The following SETD7 variants were observed in gnomAD, a reference collection of about 807,000 sequenced individuals.
SETD7 encodes SET domain containing 7, histone lysine methyltransferase, also known as histone-lysine N-methyltransferase SETD7.
Under a neutral mutation model 41.8 loss-of-function variants are expected in SETD7, and 16 were observed. That is an observed-to-expected ratio of 0.38 (90% CI 0.26 to 0.58). SETD7 has a LOEUF of 0.58. SETD7 is among the 20% of genes least tolerant of loss of function. The pLI, the probability that SETD7 is intolerant of heterozygous loss-of-function variation, is 0.64. For missense variants in SETD7, 346 were observed against 459.7 expected, an observed-to-expected ratio of 0.75 and a Z score of 2.26; for synonymous variants, 163 against 169.7, an observed-to-expected ratio of 0.96 and a Z score of 0.31.
At chr4:139,549,711 C>T (rs572495671) in intron 1 of SETD7, among the ~76,000 whole-genome samples, 1 of 152,186 alleles carries the variant, frequency 6.6e-6, no homozygotes, top group Admixed American at 6.5e-5. Flanking sequence ...CTCAAGTGAT[C>T]CTTCTGCCTC....
intron 1 of SETD7, among the ~76,000 whole-genome samples, chr4:139,553,303 A>G (rs1015669278): frequency 2.6e-5 from 4 of 152,376 alleles, no homozygotes; most frequent in Non-Finnish European, 4.4e-5. Context: ...CTAATGAAGA[A>G]GAAAAAAGAT....
At chr4:139,530,693 C>T (rs1325430673) in intron 3 of SETD7, among the ~76,000 whole-genome samples, 1 of 152,126 alleles carries the variant, frequency 6.6e-6, no homozygotes, top group Non-Finnish European at 1.5e-5. Flanking sequence ...GGTCTCACAC[C>T]TTTCCCCTTA....
At chr4:139,514,282 G>GA (rs5862423) in intron 7 of SETD7, among the ~76,000 whole-genome samples, 11 of 148,436 alleles carry the variant, frequency 7.4e-5, no homozygotes, top group Non-Finnish European at 1.0e-4. Flanking sequence ...ACCCATCTCA[G>GA]AAAAAAAAAA....
intron 2 of SETD7, among the ~76,000 whole-genome samples, chr4:139,543,646 T>A (rs1366155088): frequency 6.6e-6 from 1 of 151,842 alleles, no homozygotes; most frequent in African/African-American, 2.4e-5. Context: ...GGTGTTTGAG[T>A]GGTAGATATA....
At chr4:139,521,358 G>A (rs1300879618) in intron 5 of SETD7, among the ~76,000 whole-genome samples, 1 of 151,898 alleles carries the variant, frequency 6.6e-6, no homozygotes, top group African/African-American at 2.4e-5. Flanking sequence ...CCCAGGCGGT[G>A]GAGATTGCAG....
At position 139,521,330 on chromosome 4, in the gene SETD7, G is replaced by A. The variant is rs528801458; in HGVS notation, c.645-936C>T. On this transcript the variant is annotated intron_variant, in intron 5 of 7. Coordinates refer to ENST00000274031, the MANE Select transcript of SETD7 (RefSeq NM_030648.4). ...AATCCCAGTTACTCGGGAGGCTGAGGCAGGAGAATCACTTGAACCCAGGCG... is the reference window on the plus strand; with the variant it reads ...AATCCCAGTTACTCGGGAGGCTGAGACAGGAGAATCACTTGAACCCAGGCG... Among the ~76,000 whole-genome samples, 233 of 152,208 alleles carry A rather than the reference G, an allele frequency of 1.5e-3. 1 individual carries two copies. Among genetic ancestry groups the A allele is most frequent in the Non-Finnish European group, 2.7e-3 (182 of 68,032 alleles).
chr4:139,495,325 T>C (rs1726433433), downstream of SETD7, among the ~76,000 whole-genome samples: 1 of 152,174 alleles, frequency 6.6e-6, no homozygotes, highest in Non-Finnish European at 1.5e-5. Context: ...GACACATTCA[T>C]TACCTTGGAA....
In SETD7 at chr4:139,499,508, A is replaced by C. The variant is rs777565366; in HGVS notation, c.921-2987T>G. ...AGAATCGGTCTTTGAGATATTTTTC[A>C]GATTTAGCATTTCAGCAGACCCAGA... On this transcript the variant is annotated intron_variant, in intron 7 of 7. Coordinates refer to the SETD7 transcript ENST00000506866. Among the ~76,000 whole-genome samples the C allele has an allele frequency of 3.7e-4, 57 of 152,336 alleles. 1 individual carries two copies. The highest frequency in any genetic ancestry group is 6.8e-3 in the Middle Eastern group (2 of 294).
At chr4:139,543,788 TAA>T (rs1310187448) in intron 2 of SETD7, among the ~76,000 whole-genome samples, 4 of 78,202 alleles carry the variant, frequency 5.1e-5, no homozygotes, top group Non-Finnish European at 7.5e-5. Context: ...CCGTCTCTAC[TAA>T]AAAAATACAA....
At chr4:139,502,185 A>G (rs1167501705), downstream of SETD7, among the ~76,000 whole-genome samples, 2 of 152,224 alleles carry the variant, frequency 1.3e-5, no homozygotes, top group Non-Finnish European at 2.9e-5. Flanking sequence ...GAGTGCTTAC[A>G]GTGTATCAAA....
At chr4:139,534,320 G>C (rs148238497) in intron 2 of SETD7, among the ~76,000 whole-genome samples, 38 of 152,232 alleles carry the variant, frequency 2.5e-4, no homozygotes, top group African/African-American at 8.9e-4. Flanking sequence ...TAAAATGTAA[G>C]AAAATTTTGA....
intron 1 of SETD7, among the ~76,000 whole-genome samples, chr4:139,553,968 C>T (rs564787725): frequency 3.9e-5 from 6 of 152,318 alleles, no homozygotes; most frequent in South Asian, 2.1e-4. Context: ...CGCACAGGTA[C>T]GGTTTACTGC....
intron 2 of SETD7, among the ~76,000 whole-genome samples, chr4:139,543,869 C>T (rs546086591): frequency 6.6e-6 from 1 of 151,578 alleles, no homozygotes; most frequent in South Asian, 2.1e-4. Flanking sequence ...GAGGCTGAGG[C>T]AGGAGAATGG....
chr4:139,520,372 TAAG>T lies in SETD7; in HGVS notation c.664_666del (p.Leu222del). ...AAAAGTCCTTCTCCAGCACTGGAAA[TAAG>T]AGATTCAGCAACATAAACCCTAAAT... On this transcript the variant is annotated inframe_deletion, in exon 6 of 8. Coordinates refer to ENST00000274031, the MANE Select transcript of SETD7 (RefSeq NM_030648.4). 1 of 1,606,712 alleles carries T rather than the reference TAAG, an allele frequency of 6.2e-7. No homozygotes were observed. Among genetic ancestry groups the T allele is most frequent in the Non-Finnish European group, 8.5e-7 (1 of 1,176,036 alleles).
At chr4:139,517,344 G>A (rs1329424156) in intron 7 of SETD7, among the ~76,000 whole-genome samples, 7 of 151,924 alleles carry the variant, frequency 4.6e-5, no homozygotes, top group African/African-American at 9.7e-5. Flanking sequence ...GTGCGGTGGC[G>A]CATGCCTGTA....
At chr4:139,524,280 G>A (rs1477455527) in intron 4 of SETD7, among the ~76,000 whole-genome samples, 1 of 152,160 alleles carries the variant, frequency 6.6e-6, no homozygotes, top group East Asian at 1.9e-4. Flanking sequence ...GAAACTAAAA[G>A]TCAGAAACCA....
Position 139,536,743 on chromosome 4 carries a change from C to A in SETD7, c.171-3377G>T, listed in dbSNP as rs191411758. On this transcript the variant is annotated intron_variant, in intron 2 of 7. Transcript: ENST00000274031. ...AATAGACTGGGCATGGTGGCTCATG[C>A]CTGTAATCCCAGCCCTTTGGAGGCC... Among the ~76,000 whole-genome samples the A allele has an allele frequency of 1.3e-3, 199 of 151,134 alleles. 3 individuals are homozygous for A. In the East Asian group the frequency reaches 0.037, roughly 28 times the overall value.
chr4:139,545,672 G>A (rs551159908), intron 2 of SETD7, among the ~76,000 whole-genome samples: 2 of 152,290 alleles, frequency 1.3e-5, no homozygotes, highest in East Asian at 3.9e-4. Context: ...TTGAGAGCCT[G>A]AGAAATGTTA....
chr4:139,510,620 T>C lies in SETD7; in HGVS notation c.*1043A>G, dbSNP rs1372215663. 6.6e-6 allele frequency: 1 copy of C among 152,198 alleles called. No homozygotes were observed. The highest frequency in any genetic ancestry group is 1.5e-5 in the Non-Finnish European group (1 of 68,036). 9.4% of individuals were successfully genotyped at this position (152,198 alleles called of 1,614,324 possible). On this transcript the variant is annotated 3_prime_UTR_variant, in exon 8 of 8. Transcript: ENST00000274031. The stretch of plus-strand genomic sequence containing the variant: ...GTAATCAGTGTGTCTGCCTTAGTAG[T>C]ACTGACTAAAAAAATTTTTTTTTGA...
Sources: allele counts gnomAD v4.1 joint callset (sites outside exome capture counted in the v4.1 genomes callset), GRCh38; gene constraint gnomAD v4.1.1; transcripts MANE v1.5; gene names NCBI Gene and HGNC (gene_info 2026-07-23, HGNC 2026-07-21).